ASPSCR1: variants seen among roughly 807,000 people sequenced by gnomAD.
ASPSCR1 encodes tether containing UBX domain for GLUT4.
A neutral mutation model predicts 68.9 loss-of-function variants in ASPSCR1; 55 were observed. That is an observed-to-expected ratio of 0.80 (90% CI 0.64 to 1.00). ASPSCR1 has a LOEUF of 1.00. ASPSCR1 is among the 50% of genes least tolerant of loss of function. The pLI, the probability that ASPSCR1 is intolerant of heterozygous loss-of-function variation, is 0.00. For missense variants in ASPSCR1, 765 were observed against 762.2 expected (o/e 1.00, Z -0.04); for synonymous variants, 352 against 332.6 (o/e 1.06, Z -0.63).
At chr17:81,979,136 C>G in intron 1 of ASPSCR1, 48 bp from the exon 2 acceptor site, 2 of 1,606,168 alleles carry the variant, frequency 1.2e-6, no homozygotes, top group Non-Finnish European at 1.7e-6. Context: ...ACTGCGCCCG[C>G]CAGCCCTGCA....
At chr17:81,981,524 G>A (rs746299709) in intron 2 of ASPSCR1, among the ~76,000 whole-genome samples, 1 of 151,742 alleles carries the variant, frequency 6.6e-6, no homozygotes, top group South Asian at 2.1e-4. Context: ...GATTACAGGC[G>A]TGCGCCATCA....
At chr17:81,985,362 G>A in intron 3 of ASPSCR1, 145 bp from the exon 4 acceptor site, 1 of 753,932 alleles carries the variant, frequency 1.3e-6, no homozygotes, top group Admixed American at 2.4e-5. Flanking sequence ...TGAATAGGAG[G>A]GTAGCCTTCT....
chr17:82,009,066 G>A lies in ASPSCR1; in HGVS notation c.963G>A (p.Glu321=). The change falls in exon 8 of 16, where the codon GAG becomes GAA. Residue 321 remains glutamate (E), a synonymous_variant. Transcript: ENST00000306739. ...TGGACCGGGAGCCCGTGGACCGGGA[G>A]CCGGTGGTGTGCCACCCCGACCTGG... is the stretch of plus-strand genomic sequence containing the variant. ...RPVDREPVDR[E]PVVCHPDLEE... 1 of 1,567,006 alleles carries A rather than the reference G, an allele frequency of 6.4e-7. No homozygotes were observed. Among genetic ancestry groups the A allele is most frequent in the Non-Finnish European group, 8.6e-7 (1 of 1,156,678 alleles).
In ASPSCR1 at chr17:81,994,864, T is replaced by C; in HGVS notation, c.418T>C (p.Tyr140His). 3 of 1,612,944 alleles carry C rather than the reference T, an allele frequency of 1.9e-6. No homozygotes were observed. The highest frequency in any genetic ancestry group is 2.2e-5 in the South Asian group (2 of 91,002). ...CGGCGGGGCCACCCCAGTCTGCGTG[T>C]ACACGAGGGATGAGGTAGGCGGCCT... Reference protein sequence around the residue: ...HPGGATPVCVYTRDEVTGEAA... With the variant: ...HPGGATPVCVHTRDEVTGEAA... The change falls in exon 5 of 16, where the codon TAC (tyrosine) becomes CAC (histidine). Residue 140 changes from tyrosine to histidine, a missense_variant. Tyr to His is a moderately conservative substitution (Grantham distance 83). Coordinates refer to ENST00000306739, the MANE Select transcript of ASPSCR1 (RefSeq NM_024083.4).
At chr17:82,005,342 C>T (rs1342027120) in intron 7 of ASPSCR1, 1 of 152,182 alleles carries the variant, frequency 6.6e-6, no homozygotes, top group African/African-American at 2.4e-5. Context: ...TCCCCCGGCT[C>T]TTGCTGCCCT....
At chr17:82,015,288 T>C (rs765479614) in intron 12 of ASPSCR1, 2 of 1,598,074 alleles carry the variant, frequency 1.3e-6, no homozygotes, top group Non-Finnish European at 1.7e-6. Context: ...CTCTCCACCA[T>C]CCCCTCGTCC....
intron 4 of ASPSCR1, among the ~76,000 whole-genome samples, chr17:81,994,169 A>G (rs529847050): frequency 2.7e-4 from 41 of 152,322 alleles, no homozygotes; most frequent in Admixed American, 5.9e-4. Context: ...GGCGTGCTGC[A>G]TATACCTGCC....
In ASPSCR1 at chr17:81,983,979, C is replaced by T. The variant is rs148833846; in HGVS notation, c.273+311C>T. ...TTCACACCATTCTGCCTCAGCCTCC[C>T]GAGTAGCTAGGACTACAGGTGCCCG... is the stretch of plus-strand genomic sequence containing the variant. On this transcript the variant is annotated intron_variant, in intron 3 of 15. Transcript: ENST00000306739. The surrounding 1 kb of genome is among the most constrained non-coding windows in gnomAD (Gnocchi z 4.4). Among the ~76,000 whole-genome samples, 4 of 151,740 alleles carry T rather than the reference C, an allele frequency of 2.6e-5. No individual in the cohort carries two copies. Among genetic ancestry groups the T allele is most frequent in the African/African-American group, 9.7e-5 (4 of 41,286 alleles).
chr17:82,009,427 C>G, intron 8 of ASPSCR1, 59 bp from the exon 9 acceptor site: 1 of 1,498,660 alleles, frequency 6.7e-7, no homozygotes, highest in Non-Finnish European at 9.0e-7. Flanking sequence ...GAGCCCGGGG[C>G]CTGTTGCCAG....
At chr17:81,991,413 C>T (rs1423341106) in intron 4 of ASPSCR1, among the ~76,000 whole-genome samples, 1 of 152,172 alleles carries the variant, frequency 6.6e-6, no homozygotes, top group Non-Finnish European at 1.5e-5. Context: ...TTTCTGCAGC[C>T]CTCTGGGTGT....
At chr17:82,004,748 C>T (rs1041965135) in intron 7 of ASPSCR1, 2 of 152,344 alleles carry the variant, frequency 1.3e-5, no homozygotes, top group Non-Finnish European at 2.9e-5. Flanking sequence ...TCCTCTGAGA[C>T]CTCTGACTCT....
chr17:81,980,251 G>A (rs1308023798), intron 2 of ASPSCR1, among the ~76,000 whole-genome samples: 1 of 152,254 alleles, frequency 6.6e-6, no homozygotes, highest in Non-Finnish European at 1.5e-5. Context: ...AAAGTACTGG[G>A]ATTACAGAGA....
rs780278849 is a variant in ASPSCR1 at position 81,977,639 on chromosome 17, A to G, written c.-8A>G. ...CGCCGGCCCGGCGGCGGGTCACGTGAGCGGAAAATGGCGGCCCCGGCAGGC... is the reference window on the plus strand; with the variant it reads ...CGCCGGCCCGGCGGCGGGTCACGTGGGCGGAAAATGGCGGCCCCGGCAGGC... On this transcript the variant is annotated 5_prime_UTR_variant, in exon 1 of 16. Transcript: ENST00000306739. The surrounding 1 kb of genome is among the most constrained non-coding windows in gnomAD (Gnocchi z 5.0). 1 of 1,390,110 alleles carries G rather than the reference A, an allele frequency of 7.2e-7. No individual in the cohort carries two copies. The allele number at this position is 1,390,110 out of a possible 1,614,324, so 86.1% of individuals were successfully genotyped here.
At chr17:82,004,960 A>G (rs2042662188) in intron 7 of ASPSCR1, 1 of 152,334 alleles carries the variant, frequency 6.6e-6, no homozygotes, top group Admixed American at 6.5e-5. Context: ...AGCTGCTCCC[A>G]TGGACCTGCG....
At chr17:82,000,250 G>A (rs1261064096) in intron 7 of ASPSCR1, among the ~76,000 whole-genome samples, 2 of 152,248 alleles carry the variant, frequency 1.3e-5, no homozygotes, top group South Asian at 2.1e-4. Flanking sequence ...AGCGTGGGGC[G>A]TGGAGCATGG....
In ASPSCR1 at chr17:82,011,573, A is replaced by G; in HGVS notation, c.1268A>G (p.His423Arg). The G allele has an allele frequency of 6.3e-7, 1 of 1,581,306 alleles. No individual in the cohort carries two copies. Among genetic ancestry groups the G allele is most frequent in the Non-Finnish European group, 8.5e-7 (1 of 1,170,092 alleles). The change falls in exon 11 of 16, where the codon CAC (histidine) becomes CGC (arginine). Residue 423 changes from histidine to arginine, a missense_variant. His to Arg is a conservative substitution (Grantham distance 29). Transcript: ENST00000306739. Reference sequence around the variant, plus strand: ...GACTTGCGAGACTTCGTGAGGAGCCACCTGGGGAACCCCGAGCTGTCATTT... The same window carrying G: ...GACTTGCGAGACTTCGTGAGGAGCCGCCTGGGGAACCCCGAGCTGTCATTT... The part of the protein sequence containing the change: ...VGDLRDFVRS[H>R]LGNPELSFYL...
chr17:82,004,625 G>A (rs965937406), intron 7 of ASPSCR1: 1 of 152,182 alleles, frequency 6.6e-6, no homozygotes, highest in Non-Finnish European at 1.5e-5. Flanking sequence ...GGCAGCCACA[G>A]GCACCCCCAC....
intron 5 of ASPSCR1, 33 bp downstream of exon 5, chr17:81,994,911 G>T: frequency 6.3e-7 from 1 of 1,586,334 alleles, no homozygotes; most frequent in African/African-American, 1.3e-5. Context: ...CCCAGTCCCC[G>T]CTCACTTTCA....
intron 12 of ASPSCR1, chr17:82,016,237 C>T (rs1567999611): frequency 7.1e-6 from 4 of 561,486 alleles, no homozygotes; most frequent in Non-Finnish European, 9.6e-6. Context: ...CCCCAGCCTT[C>T]AGCTGGCTTG....
Sources: gnomAD v4.1 joint callset for allele counts (sites outside exome capture counted in the v4.1 genomes callset) on GRCh38, gnomAD v4.1.1 for gene constraint, Gnocchi (gnomAD v3.1) non-coding constraint, MANE v1.5 for transcripts, NCBI Gene and HGNC (gene_info 2026-07-23, HGNC 2026-07-21) for gene names.